Variants in DNAJC1 observed in about 807,000 individuals in gnomAD.
The protein encoded by DNAJC1 is dnaJ homolog subfamily C member 1.
In DNAJC1, 58 loss-of-function variants were observed where a neutral mutation model predicts 76.6. The observed-to-expected ratio is 0.76, with a 90% CI of 0.61 to 0.94. The LOEUF (loss-of-function observed/expected upper bound fraction) is 0.94, where lower values mean the gene tolerates loss of function less well. DNAJC1 is among the 40% of genes least tolerant of loss of function. The pLI is 0.00. For synonymous variants in DNAJC1, 258 were observed against 267.9 expected (o/e 0.96, Z 0.36); for missense variants, 689 against 677.3 (o/e 1.02, Z -0.19).
At chr10:21,857,879 A>G (rs1564809626) in intron 8 of DNAJC1, among the ~76,000 whole-genome samples, 1 of 152,046 alleles carries the variant, frequency 6.6e-6, no homozygotes, top group Non-Finnish European at 1.5e-5. Context: ...ACAAACAAAA[A>G]AAAAAACCGG....
chr10:21,928,477 T>C lies in DNAJC1; in HGVS notation c.371+29A>G, dbSNP rs747549421. ...AACTGTAGCATGAAACTATAACATC[T>C]TAATTCAAAAGCAGAAATGAACACT... is the stretch of plus-strand genomic sequence containing the variant. On this transcript the variant is annotated intron_variant, in intron 3 of 11. Transcript: ENST00000376980. 21 of 1,598,956 alleles carry C rather than the reference T, an allele frequency of 1.3e-5. No individual in the cohort carries two copies. In the South Asian group the frequency reaches 2.2e-4, roughly 17 times the overall value.
chr10:21,774,322 T>C (rs1834427300), intron 9 of DNAJC1, among the ~76,000 whole-genome samples: 1 of 152,038 alleles, frequency 6.6e-6, no homozygotes, highest in Admixed American at 6.6e-5. Context: ...CACAAAGAAT[T>C]CATATAAACT....
rs758795091 is a variant in DNAJC1, at chr10:22,003,352, CGCG to C, written c.80_82del (p.Pro27del). 8.6e-4 allele frequency: 1,217 copies of C among 1,413,852 alleles called. No individual in the cohort carries two copies. Among genetic ancestry groups the C allele is most frequent in the South Asian group, 5.2e-3 (319 of 61,732 alleles). 87.6% of individuals were successfully genotyped at this position (1,413,852 alleles called of 1,614,324 possible). ...CAGCAGCAGCCACAGCAGCGGCGTCCGCGGCGGCGGCGGCGGGAACGGCACCAG... is the reference window on the plus strand; with the variant it reads ...CAGCAGCAGCCACAGCAGCGGCGTCCGCGGCGGCGGCGGGAACGGCACCAG... On this transcript the variant is annotated inframe_deletion, in exon 1 of 12. Coordinates refer to ENST00000376980, the MANE Select transcript of DNAJC1 (RefSeq NM_022365.4).
chr10:21,900,153 GAC>G (rs1227182233), intron 7 of DNAJC1, among the ~76,000 whole-genome samples: 4 of 152,020 alleles, frequency 2.6e-5, no homozygotes, highest in Non-Finnish European at 5.9e-5. Context: ...GACCAGTCTG[GAC>G]AACATGGTGA....
chr10:21,960,467 T>C (rs954053941), intron 1 of DNAJC1, among the ~76,000 whole-genome samples: 1 of 152,110 alleles, frequency 6.6e-6, no homozygotes, highest in Admixed American at 6.5e-5. Context: ...ATCACAGCAC[T>C]TTAGGAGACT....
chr10:21,772,271 C>CT (rs398045895), intron 9 of DNAJC1, among the ~76,000 whole-genome samples: 61,034 of 94,882 alleles, frequency 0.64, 18,691 homozygotes, highest in East Asian at 0.85. Context: ...CACCCCTCTT[C>CT]TTTTTTTTTT....
intron 1 of DNAJC1, among the ~76,000 whole-genome samples, chr10:21,971,758 T>C (rs1028402101): frequency 1.3e-5 from 2 of 151,888 alleles, no homozygotes; most frequent in African/African-American, 4.8e-5. Context: ...GGTACAAATA[T>C]GAATATATGA....
rs370560505 is a variant in DNAJC1 at position 21,956,955 on chromosome 10, G to A, written c.223-27814C>T. Among the ~76,000 whole-genome samples the A allele has an allele frequency of 5.4e-5, 8 of 148,360 alleles. No individual in the cohort carries two copies. The East Asian group carries it at 7.9e-4, about 15-fold the overall frequency. ...TCTGTCGCCCAGGCTACAGTGCAGC[G>A]ATCTCGGCTCGCTGCAACCTCCGCC... On this transcript the variant is annotated intron_variant, in intron 1 of 11. Transcript: ENST00000376980.
rs1834344929 is a variant in DNAJC1, at chr10:21,769,356, C to T, written c.1099-3047G>A. 2.0e-5 allele frequency among the ~76,000 whole-genome samples: 3 copies of T among 152,144 alleles called. No homozygotes were observed. The South Asian group carries it at 6.2e-4, about 32-fold the overall frequency. On this transcript the variant is annotated intron_variant, in intron 9 of 11. Coordinates refer to ENST00000376980, the MANE Select transcript of DNAJC1 (RefSeq NM_022365.4). Reference sequence around the variant, plus strand: ...CTGTTCTAAATAAATTGTGTGTGTGCACATATTCCTCACAGTAGCAATATG... The same window carrying T: ...CTGTTCTAAATAAATTGTGTGTGTGTACATATTCCTCACAGTAGCAATATG...
At chr10:21,987,516 A>G (rs1265528008) in intron 1 of DNAJC1, among the ~76,000 whole-genome samples, 1 of 152,194 alleles carries the variant, frequency 6.6e-6, no homozygotes, top group Non-Finnish European at 1.5e-5. Flanking sequence ...GGTGTTTACC[A>G]GAATGTAGAA....
intron 1 of DNAJC1, among the ~76,000 whole-genome samples, chr10:21,973,032 A>G (rs1158142453): frequency 6.6e-6 from 1 of 152,152 alleles, no homozygotes; most frequent in East Asian, 1.9e-4. Flanking sequence ...CTAAAAACTG[A>G]TAATTTGTGA....
At chr10:21,884,724 T>G (rs1369980726) in intron 7 of DNAJC1, among the ~76,000 whole-genome samples, 1 of 152,176 alleles carries the variant, frequency 6.6e-6, no homozygotes, top group Non-Finnish European at 1.5e-5. Context: ...AAATCACCAT[T>G]GAAGTAGAGC....
At chr10:21,875,393 C>A (rs1241071121) in intron 8 of DNAJC1, among the ~76,000 whole-genome samples, 1 of 152,112 alleles carries the variant, frequency 6.6e-6, no homozygotes, top group Non-Finnish European at 1.5e-5. Flanking sequence ...TGACCTCAAA[C>A]AATCCTCCCA....
rs187823045 is a variant in DNAJC1 at position 21,821,502 on chromosome 10, G to A, written c.979-15403C>T. Among the ~76,000 whole-genome samples, 91 of 152,070 alleles carry A rather than the reference G, an allele frequency of 6.0e-4. 1 individual carries two copies. The highest frequency in any genetic ancestry group is 4.1e-3 in the Admixed American group (62 of 15,284). ...ATTATAAAGTCAATGAATGACTGTC[G>A]AATGAGTATTTTGAGGAAAAATAGA... On this transcript the variant is annotated intron_variant, in intron 8 of 11. Transcript: ENST00000376980.
At chr10:21,802,986 T>C (rs111987786) in intron 9 of DNAJC1, among the ~76,000 whole-genome samples, 2 of 152,246 alleles carry the variant, frequency 1.3e-5, no homozygotes, top group East Asian at 1.9e-4. Flanking sequence ...ATTAGGTATA[T>C]CTGAATTAAA....
At chr10:21,924,645 G>A (rs2131775163) in intron 3 of DNAJC1, among the ~76,000 whole-genome samples, 1 of 152,308 alleles carries the variant, frequency 6.6e-6, no homozygotes, top group Middle Eastern at 3.4e-3. Flanking sequence ...AGAGAAGGCT[G>A]CTAAGCTAGG....
intron 8 of DNAJC1, among the ~76,000 whole-genome samples, chr10:21,837,991 C>T (rs1467963865): frequency 2.7e-5 from 4 of 150,124 alleles, no homozygotes; most frequent in Non-Finnish European, 5.9e-5. Context: ...CGGCCAGCCG[C>T]CCCGGCTGGG....
intron 8 of DNAJC1, among the ~76,000 whole-genome samples, chr10:21,857,804 T>A (rs1835861134): frequency 6.6e-6 from 1 of 151,796 alleles, no homozygotes; most frequent in Admixed American, 6.6e-5. Context: ...TGCAGTGAGC[T>A]GAGATTGTGC....
intron 8 of DNAJC1, among the ~76,000 whole-genome samples, chr10:21,862,938 G>A (rs1835940321): frequency 6.6e-6 from 1 of 152,020 alleles, no homozygotes; most frequent in African/African-American, 2.4e-5. Flanking sequence ...TTCGAGACCA[G>A]CCTGACCAAC....
Sources: allele counts gnomAD v4.1 joint callset (sites outside exome capture counted in the v4.1 genomes callset), GRCh38; gene constraint gnomAD v4.1.1; transcripts MANE v1.5; gene names NCBI Gene and HGNC (gene_info 2026-07-23, HGNC 2026-07-21).